The following TMC1 variants were observed in gnomAD, a reference collection of about 807,000 sequenced individuals.
The protein encoded by TMC1 is transmembrane channel-like protein 1.
In TMC1, 84 loss-of-function variants were observed where a neutral mutation model predicts 105.8. The observed-to-expected ratio is 0.79, with a 90% CI of 0.67 to 0.95. TMC1 has a LOEUF of 0.95. TMC1 is among the 40% of genes least tolerant of loss of function. The probability of loss-of-function intolerance (pLI) is 0.00; values close to 1 mark genes in which losing one functional copy is unlikely to be tolerated. For missense variants in TMC1, 817 were observed against 914.1 expected, an observed-to-expected ratio of 0.89 and a Z score of 1.37; for synonymous variants, 315 against 311.5, an observed-to-expected ratio of 1.01 and a Z score of -0.12.
chr9:72,639,361 C>T (rs1825587549), intron 4 of TMC1, among the ~76,000 whole-genome samples: 1 of 152,096 alleles, frequency 6.6e-6, no homozygotes, highest in African/African-American at 2.4e-5. Context: ...AAACACGGCC[C>T]ACACAATTAA....
intron 3 of TMC1, among the ~76,000 whole-genome samples, chr9:72,625,818 C>G (rs913467042): frequency 4.6e-5 from 7 of 151,954 alleles, no homozygotes; most frequent in African/African-American, 1.7e-4. Context: ...TCTGTCCTTA[C>G]ACAAATGATG....
chr9:72,610,474 A>G (rs1825005486), intron 2 of TMC1, among the ~76,000 whole-genome samples: 2 of 152,196 alleles, frequency 1.3e-5, no homozygotes, highest in African/African-American at 4.8e-5. Flanking sequence ...CTCTAGACAC[A>G]GGAAGAAGCC....
chr9:72,674,383 A>G (rs12342835), intron 5 of TMC1, among the ~76,000 whole-genome samples: 38,768 of 152,168 alleles, frequency 0.25, 5,183 homozygotes, highest in African/African-American at 0.28. Flanking sequence ...TTGCCCTCAG[A>G]GCTCATTATA....
At chr9:72,625,549 G>A (rs542475606) in intron 3 of TMC1, among the ~76,000 whole-genome samples, 127 of 152,082 alleles carry the variant, frequency 8.4e-4, no homozygotes, top group African/African-American at 2.9e-3. Flanking sequence ...TTAGCCGGGC[G>A]TGGTGGCGGG....
At chr9:72,778,202 A>C (rs1267375771) in intron 13 of TMC1, among the ~76,000 whole-genome samples, 2 of 152,228 alleles carry the variant, frequency 1.3e-5, no homozygotes, top group African/African-American at 4.8e-5. Flanking sequence ...GAGAAGAGCC[A>C]AGATGGCTAA....
intron 2 of TMC1, among the ~76,000 whole-genome samples, chr9:72,587,119 A>G (rs1486443926): frequency 1.3e-5 from 2 of 152,006 alleles, no homozygotes; most frequent in Non-Finnish European, 2.9e-5. Context: ...CCAAAATATC[A>G]GTAGTGCTGC....
At chr9:72,628,457 G>A (rs1334348662) in intron 4 of TMC1, 1 of 174,634 alleles carries the variant, frequency 5.7e-6, no homozygotes, top group Non-Finnish European at 1.2e-5. Flanking sequence ...AACAGAAGAA[G>A]CCACGTTTCG....
chr9:72,577,439 C>T (rs1824402365), intron 1 of TMC1, among the ~76,000 whole-genome samples: 1 of 152,200 alleles, frequency 6.6e-6, no homozygotes. Context: ...AAAAGAGAGA[C>T]TCATCAATTA....
intron 4 of TMC1, among the ~76,000 whole-genome samples, chr9:72,639,925 T>C (rs1311825906): frequency 6.6e-6 from 1 of 152,180 alleles, no homozygotes; most frequent in Admixed American, 6.5e-5. Context: ...CCAAAATTAA[T>C]CCTAATTTGC....
chr9:72,785,219 G>A (rs1041665512), intron 13 of TMC1, among the ~76,000 whole-genome samples: 5 of 152,164 alleles, frequency 3.3e-5, no homozygotes, highest in African/African-American at 9.7e-5. Flanking sequence ...TAAAACTAAG[G>A]ATAGCAAATT....
intron 4 of TMC1, 110 bp downstream of exon 4, chr9:72,628,173 A>G (rs1825383867): frequency 2.4e-6 from 1 of 418,810 alleles, no homozygotes. Flanking sequence ...GATTGTACAG[A>G]ATGAGGCCTG....
intron 1 of TMC1, among the ~76,000 whole-genome samples, chr9:72,545,060 C>G (rs1823741526): frequency 6.6e-6 from 1 of 151,944 alleles, no homozygotes; most frequent in Non-Finnish European, 1.5e-5. Flanking sequence ...TCCTGAGTCT[C>G]CAATTCCACC....
intron 5 of TMC1, among the ~76,000 whole-genome samples, chr9:72,658,855 TAG>T (rs1370623433): frequency 6.6e-6 from 1 of 152,162 alleles, no homozygotes; most frequent in African/African-American, 2.4e-5. Flanking sequence ...CAATAAATCA[TAG>T]AGTGAAGATT....
At position 72,694,659 on chromosome 9, in the gene TMC1, G is replaced by A. The variant is rs755733171; in HGVS notation, c.181G>A (p.Glu61Lys). Residue 61 changes from glutamate (E) to lysine (K), a missense_variant, in exon 7 of 24, where the codon GAA (glutamate) becomes AAA (lysine). Physicochemically the swap from Glu to Lys is moderately conservative, Grantham distance 56. Coordinates refer to ENST00000297784, the MANE Select transcript of TMC1 (RefSeq NM_138691.3). ...TGACCCAGAACCTGAACCAGAGGAT[G>A]AAGAAACAAGGAAGGCAAGAGAAAA... ...EDDPEPEPEDEETRKAREKER... is the reference protein window; with the variant it reads ...EDDPEPEPEDKETRKAREKER... The A allele has an allele frequency of 2.5e-6, 4 of 1,612,374 alleles. No individual in the cohort carries two copies. The East Asian group carries it at 8.9e-5, about 36-fold the overall frequency.
chr9:72,725,321 G>GTATATATATA (rs1357980322), intron 8 of TMC1, among the ~76,000 whole-genome samples: 1 of 34,898 alleles, frequency 2.9e-5, no homozygotes. Context: ...TTTTATGTGT[G>GTATATATATA]TATGTATATA....
rs977330926 is a variant in TMC1 at position 72,521,811 on chromosome 9, G to T, written c.-530G>T. The T allele has an allele frequency of 4.0e-5, 6 of 151,844 alleles. No homozygotes were observed. Among genetic ancestry groups the T allele is most frequent in the African/African-American group, 1.5e-4 (6 of 41,326 alleles). The allele number at this position is 151,844 out of a possible 1,614,324, so 9.4% of individuals were successfully genotyped here. On this transcript the variant is annotated 5_prime_UTR_variant, in exon 1 of 24. It removes an upstream start codon present in the reference 5' UTR. Coordinates refer to ENST00000297784, the MANE Select transcript of TMC1 (RefSeq NM_138691.3). ...GAAGACCTACTGCCTCAGAAACTAT[G>T]AGGGCAGAACCCAGCAATCTGTGCT... is the stretch of plus-strand genomic sequence containing the variant.
chr9:72,718,864 T>C (rs567072440), intron 8 of TMC1, among the ~76,000 whole-genome samples: 2 of 152,110 alleles, frequency 1.3e-5, no homozygotes, highest in Non-Finnish European at 2.9e-5. Flanking sequence ...CAGACTCTCC[T>C]TGTGTGGGGC....
intron 5 of TMC1, among the ~76,000 whole-genome samples, chr9:72,650,158 T>C (rs1825777282): frequency 6.6e-6 from 1 of 152,188 alleles, no homozygotes; most frequent in South Asian, 2.1e-4. Context: ...ACAAAAATAT[T>C]ATTATCAACA....
Position 72,821,020 on chromosome 9 carries a change from A to G in TMC1, c.1942A>G (p.Thr648Ala). The G allele has an allele frequency of 1.2e-6, 2 of 1,614,186 alleles. No individual in the cohort carries two copies. Among genetic ancestry groups the G allele is most frequent in the East Asian group, 4.5e-5 (2 of 44,876 alleles). ...GMLLLILFLS[T>A]MPVLYMIVSL... The stretch of plus-strand genomic sequence containing the variant: ...GCTACTGCTCATCCTCTTCCTGTCC[A>G]CAATGCCTGTCTTGTACATGATCGT... The change falls in exon 20 of 24, where the codon ACA becomes GCA. Residue 648 changes from threonine to alanine, a missense_variant. Thr to Ala is a moderately conservative substitution (Grantham distance 58). Coordinates refer to ENST00000297784, the MANE Select transcript of TMC1 (RefSeq NM_138691.3).
Sources: allele counts gnomAD v4.1 joint callset (sites outside exome capture counted in the v4.1 genomes callset), GRCh38; gene constraint gnomAD v4.1.1; transcripts MANE v1.5; gene names NCBI Gene and HGNC (gene_info 2026-07-23, HGNC 2026-07-21).